The following THSD7A variants were observed in gnomAD, a reference collection of about 807,000 sequenced individuals.
THSD7A encodes thrombospondin type-1 domain-containing protein 7A.
Under a neutral mutation model 231.3 loss-of-function variants are expected in THSD7A, and 96 were observed. That is an observed-to-expected ratio of 0.41 (90% CI 0.35 to 0.49). THSD7A has a LOEUF of 0.49. THSD7A is among the 20% of genes least tolerant of loss of function. The pLI is 0.05. For missense variants in THSD7A, 2,290 were observed against 2,070.2 expected, an observed-to-expected ratio of 1.11 and a Z score of -2.06; for synonymous variants, 940 against 743.3, an observed-to-expected ratio of 1.26 and a Z score of -4.30.
intron 22 of THSD7A, among the ~76,000 whole-genome samples, chr7:11,405,611 A>G (rs563638949): frequency 6.6e-6 from 1 of 152,312 alleles, no homozygotes; most frequent in South Asian, 2.1e-4. Context: ...GCCCAAATTC[A>G]TAAATATTAG....
rs1381114798 is a variant in THSD7A at position 11,543,126 on chromosome 7, A to T, written c.1454-9T>A. 6.2e-7 allele frequency: 1 copy of T among 1,606,854 alleles called. No individual in the cohort carries two copies. Among genetic ancestry groups the T allele is most frequent in the Non-Finnish European group, 8.5e-7 (1 of 1,176,384 alleles). On this transcript the variant is annotated splice_polypyrimidine_tract_variant and intron_variant, in intron 4 of 27. Coordinates refer to ENST00000423059, the MANE Select transcript of THSD7A (RefSeq NM_015204.3). Reference sequence around the variant, plus strand: ...GTCCATTGGCTTTGAGGCTAGAGAAAAATACAGACACATATTAAAAAATGA... The same window carrying T: ...GTCCATTGGCTTTGAGGCTAGAGAATAATACAGACACATATTAAAAAATGA...
intron 6 of THSD7A, among the ~76,000 whole-genome samples, chr7:11,498,656 C>T (rs555183637): frequency 6.6e-6 from 1 of 152,174 alleles, no homozygotes; most frequent in East Asian, 1.9e-4. Context: ...AGCAGGTCCT[C>T]ATCCTATTCC....
chr7:11,378,544 C>G (rs1782372911), intron 26 of THSD7A, among the ~76,000 whole-genome samples: 1 of 152,220 alleles, frequency 6.6e-6, no homozygotes, highest in African/African-American at 2.4e-5. Flanking sequence ...CCCTGTTTAT[C>G]TGGCACTAGT....
intron 8 of THSD7A, among the ~76,000 whole-genome samples, chr7:11,471,212 C>T (rs920848126): frequency 2.0e-5 from 3 of 151,860 alleles, no homozygotes; most frequent in Non-Finnish European, 2.9e-5. Flanking sequence ...TCATATAAAT[C>T]CCTGCCATGT....
chr7:11,517,904 T>C (rs559474438), intron 6 of THSD7A, among the ~76,000 whole-genome samples: 2 of 152,314 alleles, frequency 1.3e-5, no homozygotes, highest in African/African-American at 2.4e-5. Flanking sequence ...GGACCACCCA[T>C]GTGGAGAACA....
chr7:11,391,392 A>T (rs774355396), intron 23 of THSD7A, among the ~76,000 whole-genome samples: 3 of 152,218 alleles, frequency 2.0e-5, no homozygotes, highest in African/African-American at 7.2e-5. Context: ...GACTTTATTT[A>T]CACTGTGAAG....
At chr7:11,621,047 C>T (rs1306655578) in intron 2 of THSD7A, among the ~76,000 whole-genome samples, 1 of 152,078 alleles carries the variant, frequency 6.6e-6, no homozygotes, top group African/African-American at 2.4e-5. Context: ...GCACTTTTAC[C>T]AAGAAACCTC....
intron 6 of THSD7A, among the ~76,000 whole-genome samples, chr7:11,534,447 A>G (rs547629101): frequency 2.6e-5 from 4 of 152,302 alleles, no homozygotes; most frequent in African/African-American, 9.6e-5. Flanking sequence ...GGAGGATGAG[A>G]GTCCATGTAC....
At chr7:11,437,430 C>CTCTT (rs1195106886) in intron 13 of THSD7A, among the ~76,000 whole-genome samples, 1 of 152,022 alleles carries the variant, frequency 6.6e-6, no homozygotes, top group Non-Finnish European at 1.5e-5. Flanking sequence ...CTTTCCTTGG[C>CTCTT]TCTTTAAACT....
At chr7:11,635,008 C>A (rs539671814) in intron 2 of THSD7A, among the ~76,000 whole-genome samples, 3 of 151,924 alleles carry the variant, frequency 2.0e-5, no homozygotes, top group Non-Finnish European at 2.9e-5. Context: ...TAATAAACAA[C>A]ATGCATGCCA....
chr7:11,395,581 G>A (rs1783152354), intron 23 of THSD7A, among the ~76,000 whole-genome samples: 1 of 147,506 alleles, frequency 6.8e-6, no homozygotes, highest in Non-Finnish European at 1.5e-5. Context: ...AGGCTGTAGT[G>A]CAGTGGCACT....
intron 4 of THSD7A, among the ~76,000 whole-genome samples, chr7:11,562,685 A>G (rs1029352903): frequency 6.6e-6 from 1 of 152,204 alleles, no homozygotes; most frequent in Non-Finnish European, 1.5e-5. Context: ...AAGACCGACA[A>G]ATAAAATTAG....
At chr7:11,743,894 T>C (rs756856318) in intron 1 of THSD7A, among the ~76,000 whole-genome samples, 5 of 151,980 alleles carry the variant, frequency 3.3e-5, no homozygotes, top group Non-Finnish European at 5.9e-5. Flanking sequence ...AGCAATGTAC[T>C]TGAACATTAA....
intron 4 of THSD7A, among the ~76,000 whole-genome samples, chr7:11,566,092 T>C (rs945064722): frequency 5.9e-5 from 9 of 152,072 alleles, no homozygotes; most frequent in African/African-American, 1.7e-4. Flanking sequence ...AACTACTGCA[T>C]GTGTTTCTTA....
rs145193006 is a variant in THSD7A at position 11,414,875 on chromosome 7, T to C, written c.3538-2075A>G. On this transcript the variant is annotated intron_variant, in intron 17 of 27. Transcript: ENST00000423059. Reference sequence around the variant, plus strand: ...GTGCACTAGGAGAGGACTTATGTTTTAGATAGCTGTATATTCTCCCTACCT... The same window carrying C: ...GTGCACTAGGAGAGGACTTATGTTTCAGATAGCTGTATATTCTCCCTACCT... Among the ~76,000 whole-genome samples the C allele has an allele frequency of 7.3e-3, 1,108 of 152,352 alleles. 13 individuals carry two copies. Among genetic ancestry groups the C allele is most frequent in the African/African-American group, 0.024 (996 of 41,586 alleles).
chr7:11,772,029 C>G (rs1783246787), intron 1 of THSD7A, among the ~76,000 whole-genome samples: 2 of 152,168 alleles, frequency 1.3e-5, no homozygotes. Context: ...GCTTCTTGTA[C>G]AGCCTGCAGA....
intron 4 of THSD7A, among the ~76,000 whole-genome samples, chr7:11,556,567 T>G (rs189717594): frequency 7.4e-4 from 113 of 152,072 alleles, no homozygotes; most frequent in Non-Finnish European, 2.8e-4. Flanking sequence ...TACCCGCTCT[T>G]TCTCCTTTCC....
intron 23 of THSD7A, among the ~76,000 whole-genome samples, chr7:11,397,665 G>C (rs554119496): frequency 1.3e-5 from 2 of 152,228 alleles, no homozygotes; most frequent in East Asian, 3.9e-4. Context: ...CATCTGACAA[G>C]AGGCTAATAT....
At chr7:11,707,689 G>T (rs911007720) in intron 1 of THSD7A, among the ~76,000 whole-genome samples, 1 of 150,762 alleles carries the variant, frequency 6.6e-6, no homozygotes, top group African/African-American at 2.4e-5. Context: ...GCAGCTTCAA[G>T]ACCCAAAGGA....
Sources: allele counts gnomAD v4.1 joint callset (sites outside exome capture counted in the v4.1 genomes callset), GRCh38; gene constraint gnomAD v4.1.1; transcripts MANE v1.5; gene names NCBI Gene and HGNC (gene_info 2026-07-23, HGNC 2026-07-21).